PCDHGB2: variants seen among roughly 807,000 people sequenced by gnomAD.
PCDHGB2 encodes the protein protocadherin gamma subfamily B, 2, also known as protocadherin gamma-B2.
Under a neutral mutation model 59.3 loss-of-function variants are expected in PCDHGB2, and 55 were observed. The ratio of observed to expected loss-of-function variants is 0.93; its 90% CI spans 0.75 to 1.16. The LOEUF (loss-of-function observed/expected upper bound fraction) is 1.16. Among genes scored for constraint, PCDHGB2 ranks in the 50% most tolerant of loss-of-function variants. The probability of loss-of-function intolerance (pLI) is 0.00; values close to 1 mark genes in which losing one functional copy is unlikely to be tolerated. For synonymous variants in PCDHGB2, 516 were observed against 512.0 expected (o/e 1.01, Z -0.11); for missense variants, 1,228 against 1,198.5 (o/e 1.02, Z -0.36).
At chr5:141,375,348 T>A in intron 1 of PCDHGB2, 1 of 1,613,870 alleles carries the variant, frequency 6.2e-7, no homozygotes, top group Non-Finnish European at 8.5e-7. Flanking sequence ...AACATCACTG[T>A]GACAGCCACG....
At chr5:141,389,866 T>G (rs1332106674) in intron 1 of PCDHGB2, 1 of 1,614,082 alleles carries the variant, frequency 6.2e-7, no homozygotes, top group African/African-American at 1.3e-5. Context: ...TTGCACCTGG[T>G]CTTCGCCGAC....
chr5:141,393,360 C>T, intron 1 of PCDHGB2: 1 of 1,613,968 alleles, frequency 6.2e-7, no homozygotes, highest in Non-Finnish European at 8.5e-7. Flanking sequence ...CCTGGACGTG[C>T]AGACTGGAGA....
Position 141,409,297 on chromosome 5 carries a change from T to TGTGAATG in PCDHGB2, c.2421+46743_2421+46744insGAATGGT, listed in dbSNP as rs774936669. On this transcript the variant is annotated intron_variant, in intron 1 of 3. Transcript: ENST00000522605. ...TGGAGAATTCACCTCCAGGAATGGT[T>TGTGAATG]GTTGCCCTCTTCAAAACACGGGATC... The TGTGAATG allele has an allele frequency of 1.3e-5, 21 of 1,613,888 alleles. No homozygotes were observed. In the African/African-American group the frequency reaches 2.7e-4, roughly 21 times the overall value.
rs115035052 is a variant in PCDHGB2 at position 141,382,317 on chromosome 5, G to A, written c.2421+19761G>A. ...TTAATTAAAATTTATATACACTGAT[G>A]TAAATATTTTCTAAGTAAAATCTTT... On this transcript the variant is annotated intron_variant, in intron 1 of 3. Coordinates refer to ENST00000522605, the MANE Select transcript of PCDHGB2 (RefSeq NM_018923.3). Among the ~76,000 whole-genome samples the A allele has an allele frequency of 4.6e-3, 694 of 152,278 alleles. 4 individuals are homozygous for A. The highest frequency in any genetic ancestry group is 0.015 in the African/African-American group (631 of 41,554).
chr5:141,404,746 A>T (rs1219726027), intron 1 of PCDHGB2: 2 of 1,613,308 alleles, frequency 1.2e-6, no homozygotes, highest in Admixed American at 3.3e-5. Flanking sequence ...ACAGAGACTC[A>T]GGCCAGAATG....
At position 141,413,207 on chromosome 5, in the gene PCDHGB2, C is replaced by T. The variant is rs563279284; in HGVS notation, c.2421+50651C>T. The T allele has an allele frequency of 4.7e-5, 76 of 1,612,874 alleles. 2 individuals carry two copies. The South Asian group carries it at 7.6e-4, about 16-fold the overall frequency. ...GCTCAAAGGAATCGCTCAAAGGAAT[C>T]AAAGGATTGCAGCGGGCTGGTCCTG... On this transcript the variant is annotated intron_variant, in intron 1 of 3. Coordinates refer to ENST00000522605, the MANE Select transcript of PCDHGB2 (RefSeq NM_018923.3).
At chr5:141,380,434 T>A (rs919623948) in intron 1 of PCDHGB2, among the ~76,000 whole-genome samples, 38 of 152,208 alleles carry the variant, frequency 2.5e-4, no homozygotes, top group African/African-American at 8.7e-4. Flanking sequence ...AGACTTTACA[T>A]AGAATTCTTT....
intron 1 of PCDHGB2, among the ~76,000 whole-genome samples, chr5:141,368,336 T>C (rs1395637644): frequency 6.6e-6 from 1 of 152,126 alleles, no homozygotes; most frequent in Non-Finnish European, 1.5e-5. Flanking sequence ...TCTATATCTA[T>C]ATACATATAC....
intron 1 of PCDHGB2, among the ~76,000 whole-genome samples, chr5:141,435,462 T>G (rs1206913100): frequency 6.6e-6 from 1 of 152,230 alleles, no homozygotes; most frequent in Non-Finnish European, 1.5e-5. Flanking sequence ...TGTATGTGTT[T>G]CCAAGTTAGA....
intron 1 of PCDHGB2, chr5:141,419,682 T>C (rs758536078): frequency 6.2e-7 from 1 of 1,612,950 alleles, no homozygotes; most frequent in Non-Finnish European, 8.5e-7. Flanking sequence ...TCCTACCACG[T>C]GGTGCAGGCC....
At position 141,375,854 on chromosome 5, in the gene PCDHGB2, G is replaced by A. The variant is rs937512272; in HGVS notation, c.2421+13298G>A. 3.1e-6 allele frequency: 5 copies of A among 1,613,934 alleles called. No homozygotes were observed. The South Asian group carries it at 5.5e-5, about 18-fold the overall frequency. ...AGAGCCCGGCTACCTGGTGACCAAG[G>A]TGGTGGCGGTGGACAGAGACTCGGG... On this transcript the variant is annotated intron_variant, in intron 1 of 3. Coordinates refer to ENST00000522605, the MANE Select transcript of PCDHGB2 (RefSeq NM_018923.3).
intron 1 of PCDHGB2, chr5:141,374,356 C>T: frequency 1.2e-6 from 2 of 1,614,034 alleles, no homozygotes; most frequent in Non-Finnish European, 1.7e-6. Context: ...GTAGGATAGA[C>T]CGCGAGGAGC....
At chr5:141,509,953 G>A (rs987910496) in intron 3 of PCDHGB2, among the ~76,000 whole-genome samples, 4 of 152,282 alleles carry the variant, frequency 2.6e-5, no homozygotes, top group Non-Finnish European at 4.4e-5. Context: ...AAATGCTACC[G>A]GGTATGGCCT....
chr5:141,400,217 T>G, intron 1 of PCDHGB2: 1 of 1,614,034 alleles, frequency 6.2e-7, no homozygotes, highest in Non-Finnish European at 8.5e-7. Context: ...TTGATCTCAG[T>G]GCTCTTCCTC....
At chr5:141,383,441 C>T (rs529896434) in intron 1 of PCDHGB2, 15 of 1,613,978 alleles carry the variant, frequency 9.3e-6, no homozygotes, top group South Asian at 7.7e-5. Flanking sequence ...TTCTCCCTGG[C>T]TGTGCAAAGT....
chr5:141,372,406 T>C, intron 1 of PCDHGB2: 7 of 1,614,058 alleles, frequency 4.3e-6, no homozygotes, highest in Non-Finnish European at 5.9e-6. Flanking sequence ...TTGCAAGAGA[T>C]ACAACCTGAC....
At chr5:141,434,698 A>G (rs2097710714) in intron 1 of PCDHGB2, among the ~76,000 whole-genome samples, 1 of 152,070 alleles carries the variant, frequency 6.6e-6, no homozygotes, top group South Asian at 2.1e-4. Context: ...GTTAATAAAT[A>G]TGTGGGTAAA....
At position 141,393,000 on chromosome 5, in the gene PCDHGB2, G is replaced by A. The variant is rs772046833; in HGVS notation, c.2421+30444G>A. The stretch of plus-strand genomic sequence containing the variant: ...GGACCCCCGGAAGCTGGCGAAGCAC[G>A]GAGTCCGTATCGTCTCCAGAGGTAG... On this transcript the variant is annotated intron_variant, in intron 1 of 3. Transcript: ENST00000522605. The A allele has an allele frequency of 2.5e-6, 4 of 1,613,856 alleles. No individual in the cohort carries two copies. In the South Asian group the frequency reaches 4.4e-5, roughly 18 times the overall value.
At position 141,393,784 on chromosome 5, in the gene PCDHGB2, T is replaced by A. The variant is rs1554094164; in HGVS notation, c.2421+31228T>A. 3 of 1,613,864 alleles carry A rather than the reference T, an allele frequency of 1.9e-6. No homozygotes were observed. The South Asian group carries it at 3.3e-5, about 18-fold the overall frequency. ...GAAATGGAAATACAAGCCGAAGATG[T>A]GGGGGCACTTCTGGGGAGGACCAAA... On this transcript the variant is annotated intron_variant, in intron 1 of 3. Coordinates refer to ENST00000522605, the MANE Select transcript of PCDHGB2 (RefSeq NM_018923.3).
Sources: gnomAD v4.1 joint callset for allele counts (sites outside exome capture counted in the v4.1 genomes callset) on GRCh38, gnomAD v4.1.1 for gene constraint, MANE v1.5 for transcripts, NCBI Gene and HGNC (gene_info 2026-07-23, HGNC 2026-07-21) for gene names.